Variants in SLC71A2 observed in about 807,000 individuals in gnomAD.
The protein encoded by SLC71A2 is solute carrier family 71 member 2, also known as hippocampus abundant transcript-like 1.
chr9:94,400,037 A>G, the SLC71A2 span, among the ~76,000 whole-genome samples: 1 of 152,036 alleles, frequency 6.6e-6, no homozygotes, highest in African/African-American at 2.4e-5. Flanking sequence ...TCTCAAACTC[A>G]TGATCTCAAG....
chr9:94,396,141 GATA>G, the SLC71A2 span, among the ~76,000 whole-genome samples: 3,366 of 151,546 alleles, frequency 0.022, 129 homozygotes, highest in African/African-American at 0.077. Context: ...CAGCTGCTCA[GATA>G]ATAAATTATA....
the SLC71A2 span, among the ~76,000 whole-genome samples, chr9:94,382,736 T>C: frequency 6.6e-6 from 1 of 152,102 alleles, no homozygotes; most frequent in Non-Finnish European, 1.5e-5. Flanking sequence ...CTCTGCCCAC[T>C]GCAATCTCCA....
the SLC71A2 span, among the ~76,000 whole-genome samples, chr9:94,419,724 G>A: frequency 6.6e-6 from 1 of 152,114 alleles, no homozygotes; most frequent in South Asian, 2.1e-4. Flanking sequence ...ACAGGCATGT[G>A]CCACTACACT....
At chr9:94,388,356 T>C in the SLC71A2 span, among the ~76,000 whole-genome samples, 1 of 152,116 alleles carries the variant, frequency 6.6e-6, no homozygotes, top group Admixed American at 6.6e-5. Flanking sequence ...GGCCAGTTAA[T>C]GTACACTAAA....
chr9:94,440,247 G>A, the SLC71A2 span, among the ~76,000 whole-genome samples: 11 of 151,698 alleles, frequency 7.3e-5, no homozygotes, highest in East Asian at 1.2e-3. Flanking sequence ...TCCGCCTCCC[G>A]GGTTCACACC....
At chr9:94,407,836 T>G in the SLC71A2 span, among the ~76,000 whole-genome samples, 2 of 151,992 alleles carry the variant, frequency 1.3e-5, no homozygotes, top group Non-Finnish European at 2.9e-5. Context: ...GAAATAAAAA[T>G]TCATAAGTTT....
chr9:94,392,878 ACTTTATAGGAATGG>A, the SLC71A2 span, among the ~76,000 whole-genome samples: 1 of 151,238 alleles, frequency 6.6e-6, no homozygotes, highest in South Asian at 2.1e-4. Context: ...TCTAGATTTT[ACTTTATAGGAATGG>A]TCACATTTTG....
chr9:94,440,437 A>G, the SLC71A2 span, among the ~76,000 whole-genome samples: 1 of 151,948 alleles, frequency 6.6e-6, no homozygotes, highest in Non-Finnish European at 1.5e-5. Flanking sequence ...GAATAATTAT[A>G]TTAATAGATT....
At chr9:94,405,607 A>G in the SLC71A2 span, among the ~76,000 whole-genome samples, 2 of 151,978 alleles carry the variant, frequency 1.3e-5, no homozygotes, top group Admixed American at 1.3e-4. Context: ...AGGTAGAAAT[A>G]CAGGCACACA....
the SLC71A2 span, among the ~76,000 whole-genome samples, chr9:94,454,853 C>T: frequency 1.3e-5 from 2 of 152,130 alleles, no homozygotes; most frequent in African/African-American, 4.8e-5. Context: ...GCAGTTATTA[C>T]TACCATATTA....
chr9:94,378,394 G>A, the SLC71A2 span, among the ~76,000 whole-genome samples: 16 of 152,180 alleles, frequency 1.1e-4, no homozygotes, highest in East Asian at 9.7e-4. Flanking sequence ...GATCTTGGCC[G>A]CGTGCGGTGG....
chr9:94,429,458 T>G, the SLC71A2 span, among the ~76,000 whole-genome samples: 14 of 152,180 alleles, frequency 9.2e-5, no homozygotes, highest in Non-Finnish European at 1.8e-4. Flanking sequence ...CAAATAGCAG[T>G]GTGAATACTC....
chr9:94,445,374 G>A, the SLC71A2 span, among the ~76,000 whole-genome samples: 1 of 152,054 alleles, frequency 6.6e-6, no homozygotes, highest in Admixed American at 6.6e-5. Flanking sequence ...TGGTACTTAA[G>A]CATGTCATAA....
the SLC71A2 span, among the ~76,000 whole-genome samples, chr9:94,381,299 G>T: frequency 6.6e-6 from 1 of 150,420 alleles, no homozygotes; most frequent in Non-Finnish European, 1.5e-5. Context: ...GCCTCCCAAA[G>T]TGCTGGGATT....
the SLC71A2 span, among the ~76,000 whole-genome samples, chr9:94,420,212 C>T: frequency 1.3e-5 from 2 of 152,180 alleles, no homozygotes; most frequent in Non-Finnish European, 2.9e-5. Context: ...GGCTGTCTCA[C>T]CTCCTACAAC....
chr9:94,450,584 G>C, the SLC71A2 span, among the ~76,000 whole-genome samples: 1 of 138,646 alleles, frequency 7.2e-6, no homozygotes, highest in Non-Finnish European at 1.5e-5. Flanking sequence ...CTACATTCCA[G>C]GTTCAAGCTA....
the SLC71A2 span, among the ~76,000 whole-genome samples, chr9:94,443,047 A>G: frequency 6.6e-6 from 1 of 152,080 alleles, no homozygotes; most frequent in Non-Finnish European, 1.5e-5. Context: ...GCAATATTTG[A>G]TTTTTGTTTC....
At chr9:94,451,055 G>T in the SLC71A2 span, among the ~76,000 whole-genome samples, 1 of 152,130 alleles carries the variant, frequency 6.6e-6, no homozygotes, top group Non-Finnish European at 1.5e-5. Flanking sequence ...CTTACATCAT[G>T]ATTTTAATGT....
the SLC71A2 span, among the ~76,000 whole-genome samples, chr9:94,446,098 T>A: frequency 6.6e-6 from 1 of 152,222 alleles, no homozygotes; most frequent in Non-Finnish European, 1.5e-5. Context: ...ATCGTGGGGA[T>A]TACTGTTAAT....
Sources: allele counts gnomAD v4.1 joint callset (sites outside exome capture counted in the v4.1 genomes callset), GRCh38; gene constraint gnomAD v4.1.1; transcripts MANE v1.5; gene names NCBI Gene and HGNC (gene_info 2026-07-23, HGNC 2026-07-21).